The following NSD3 variants were observed in gnomAD, a reference collection of about 807,000 sequenced individuals.
NSD3 encodes nuclear receptor binding SET domain protein 3, also known as histone-lysine N-methyltransferase NSD3.
NSD3 carries 24 observed loss-of-function variants against 160.8 expected under a neutral mutation model. The observed-to-expected ratio is 0.15, with a 90% CI of 0.11 to 0.21. The LOEUF (loss-of-function observed/expected upper bound fraction) is 0.21, where lower values mean the gene tolerates loss of function less well. Among genes scored for constraint, NSD3 ranks in the 10% least tolerant of loss-of-function variants. The pLI, the probability that NSD3 is intolerant of heterozygous loss-of-function variation, is 1.00. For missense variants in NSD3, 1,157 were observed against 1,735.9 expected, an observed-to-expected ratio of 0.67 and a Z score of 5.93; for synonymous variants, 520 against 600.0, an observed-to-expected ratio of 0.87 and a Z score of 1.95.
intron 21 of NSD3, 81 bp downstream of exon 21, chr8:38,279,459 C>T: frequency 6.8e-7 from 1 of 1,471,006 alleles, no homozygotes; most frequent in Non-Finnish European, 9.2e-7. Flanking sequence ...GGGCATCAAG[C>T]CTTGAAGAAC....
chr8:38,316,575 T>A lies in NSD3; in HGVS notation c.1856-533A>T. The stretch of plus-strand genomic sequence containing the variant: ...CCCCCCAATAAAATTTGGATGTTCA[T>A]AATTGTTCATCTGAGACTTCCTTGG... On this transcript the variant is annotated intron_variant, in intron 9 of 23. Transcript: ENST00000317025. This position sits in a 1 kb window ranked among gnomAD's most constrained non-coding sequence, Gnocchi z 4.5. 1 of 1,050,600 alleles carries A rather than the reference T, an allele frequency of 9.5e-7. No individual in the cohort carries two copies. Among genetic ancestry groups the A allele is most frequent in the Non-Finnish European group, 1.1e-6 (1 of 870,042 alleles). The allele number at this position is 1,050,600 out of a possible 1,614,324, so 65.1% of individuals were successfully genotyped here. A position where few individuals can be genotyped will look rare whatever the true frequency, so the allele number is the denominator to read the frequency against.
At chr8:38,296,833 G>A (rs183157267) in intron 15 of NSD3, among the ~76,000 whole-genome samples, 7 of 151,876 alleles carry the variant, frequency 4.6e-5, no homozygotes, top group South Asian at 4.2e-4. Context: ...TGCCTCAGCC[G>A]CCCAAACTGT....
chr8:38,329,752 A>G lies in NSD3; in HGVS notation c.1207T>C (p.Leu403=). The G allele has an allele frequency of 5.0e-6, 8 of 1,614,090 alleles. No individual in the cohort carries two copies. Among genetic ancestry groups the G allele is most frequent in the Non-Finnish European group, 4.2e-6 (5 of 1,180,022 alleles). The part of the protein sequence containing the change: ...IYIDKQPEEA[L]SQAKKSVASK... ...GCAACACTCTTTTTTGCTTGGGATA[A>G]AGCCTCTTCAGGCTGTTTATCAATG... The change falls in exon 6 of 24, where the codon TTA becomes CTA. Residue 403 remains leucine, a synonymous_variant. Coordinates refer to ENST00000317025, the MANE Select transcript of NSD3 (RefSeq NM_023034.2). The surrounding 1 kb of genome is among the most constrained non-coding windows in gnomAD (Gnocchi z 4.8).
At chr8:38,294,884 C>T (rs976299551) in intron 16 of NSD3, among the ~76,000 whole-genome samples, 4 of 151,612 alleles carry the variant, frequency 2.6e-5, no homozygotes, top group Admixed American at 2.6e-4. Context: ...TGGCTCACAC[C>T]TGCAATCCCA....
At chr8:38,347,370 C>A in intron 2 of NSD3, 127 bp downstream of exon 2, 5 of 951,238 alleles carry the variant, frequency 5.3e-6, no homozygotes, top group Non-Finnish European at 7.8e-6. Flanking sequence ...ATTCTGAGCA[C>A]GTTGCTAGTG....
rs774696937 is a variant in NSD3, at chr8:38,288,138, C to T, written c.3501+349G>A. 2.0e-5 allele frequency among the ~76,000 whole-genome samples: 3 copies of T among 151,792 alleles called. No individual in the cohort carries two copies. Among genetic ancestry groups the T allele is most frequent in the South Asian group, 2.1e-4 (1 of 4,808 alleles). ...TCAAGGCTTGAGTGAGCTATGAACA[C>T]GCCACTGTATTCCAGCATGGGTAAC... On this transcript the variant is annotated intron_variant, in intron 19 of 23. Coordinates refer to ENST00000317025, the MANE Select transcript of NSD3 (RefSeq NM_023034.2). This position sits in a 1 kb window ranked among gnomAD's most constrained non-coding sequence, Gnocchi z 4.5.
chr8:38,289,270 G>A (rs1808939351), intron 18 of NSD3, 123 bp downstream of exon 18: 1 of 877,976 alleles, frequency 1.1e-6, no homozygotes. Flanking sequence ...AGTCAAAGAG[G>A]GTCTTTAACT....
chr8:38,288,546 C>G lies in NSD3; in HGVS notation c.3442G>C (p.Glu1148Gln). Reference protein sequence around the residue: ...CFTKRLYPDAEIIKTERRGWG... With the variant: ...CFTKRLYPDAQIIKTERRGWG... ...CCTCTCCGCTCCGTTTTGATGATCT[C>G]TGCATCAGGGTATAGTCTCTTTGTA... Residue 1148 changes from glutamate to glutamine, a missense_variant, in exon 19 of 24, where the codon GAG becomes CAG. By Grantham distance (29) the Glu-to-Gln change is conservative. Around this residue, in one of 10 missense-constraint regions of NSD3, gnomAD observed 222 missense variants for 409.9 expected, o/e 0.54. Coordinates refer to ENST00000317025, the MANE Select transcript of NSD3 (RefSeq NM_023034.2). This position sits in a 1 kb window ranked among gnomAD's most constrained non-coding sequence, Gnocchi z 4.5. The G allele has an allele frequency of 6.2e-7, 1 of 1,614,196 alleles. No homozygotes were observed. Among genetic ancestry groups the G allele is most frequent in the Non-Finnish European group, 8.5e-7 (1 of 1,180,044 alleles).
chr8:38,331,304 A>G, intron 5 of NSD3, 127 bp downstream of exon 5: 4 of 1,128,702 alleles, frequency 3.5e-6, no homozygotes, highest in Non-Finnish European at 4.8e-6. Context: ...CATTACGATT[A>G]AAACAGCTGA....
Position 38,278,124 on chromosome 8 carries a change from GA to G in NSD3, c.3867+181del, listed in dbSNP as rs560061526. ...CAGCTAATTTTTTGTATTTTTAGTAGAGATGGGGTTTCACCGTGTTAGCCAG... is the reference window on the plus strand; with the variant it reads ...CAGCTAATTTTTTGTATTTTTAGTAGGATGGGGTTTCACCGTGTTAGCCAG... On this transcript the variant is annotated intron_variant, in intron 22 of 23. Transcript: ENST00000317025. Among the ~76,000 whole-genome samples the G allele has an allele frequency of 5.1e-4, 78 of 152,138 alleles. 1 individual carries two copies. The highest frequency in any genetic ancestry group is 1.8e-3 in the African/African-American group (76 of 41,506).
chr8:38,333,471 T>C (rs1399526897), intron 4 of NSD3, among the ~76,000 whole-genome samples: 1 of 152,220 alleles, frequency 6.6e-6, no homozygotes, highest in East Asian at 1.9e-4. Flanking sequence ...TAAAATAGAA[T>C]TGTGATCCAA....
chr8:38,271,757 G>C lies in NSD3; in HGVS notation c.*3884C>G, dbSNP rs1374990405. 1 of 152,132 alleles carries C rather than the reference G, an allele frequency of 6.6e-6. No individual in the cohort carries two copies. Among genetic ancestry groups the C allele is most frequent in the Non-Finnish European group, 1.5e-5 (1 of 68,026 alleles). 9.4% of individuals were successfully genotyped at this position (152,132 alleles called of 1,614,324 possible). A position where few individuals can be genotyped will look rare whatever the true frequency, so the allele number is the denominator to read the frequency against. On this transcript the variant is annotated 3_prime_UTR_variant, in exon 24 of 24. Coordinates refer to ENST00000317025, the MANE Select transcript of NSD3 (RefSeq NM_023034.2). ...CCCAGAAATAAAGCAACTTTCCAAT[G>C]TCCTTTTTCTCATATGGAAGTATAG...
At chr8:38,323,799 A>T (rs928872110) in intron 7 of NSD3, among the ~76,000 whole-genome samples, 10 of 149,544 alleles carry the variant, frequency 6.7e-5, no homozygotes, top group African/African-American at 2.5e-4. Context: ...CTGCACTTCA[A>T]CTTGGGTGCA....
At position 38,348,141 on chromosome 8, in the gene NSD3, T is replaced by G; in HGVS notation, c.31A>C (p.Ile11Leu). MDFSFSFMQG[I>L]MGNTIQQPPQ... ...GGTTGCTGAATTGTGTTTCCCATGATCCCTTGCATGAAAGAGAAAGAGAAA... is the reference window on the plus strand; with the variant it reads ...GGTTGCTGAATTGTGTTTCCCATGAGCCCTTGCATGAAAGAGAAAGAGAAA... The change falls in exon 2 of 24, where the codon ATC becomes CTC. Residue 11 changes from isoleucine to leucine, a missense_variant. Physicochemically the swap from Ile to Leu is conservative, Grantham distance 5 (BLOSUM62 2). Coordinates refer to ENST00000317025, the MANE Select transcript of NSD3 (RefSeq NM_023034.2). The G allele has an allele frequency of 6.2e-7, 1 of 1,601,638 alleles. No homozygotes were observed. The highest frequency in any genetic ancestry group is 8.5e-7 in the Non-Finnish European group (1 of 1,173,384).
At chr8:38,377,227 A>G (rs1014345984) in intron 1 of NSD3, among the ~76,000 whole-genome samples, 2 of 146,442 alleles carry the variant, frequency 1.4e-5, no homozygotes, top group African/African-American at 2.5e-5. Context: ...TAATTTTTGT[A>G]TTTTTAGTAG....
chr8:38,321,165 TACTGAGCCTAAG>T lies in NSD3; in HGVS notation c.1709-5_1715del. The T allele has an allele frequency of 6.2e-7, 1 of 1,611,360 alleles. No individual in the cohort carries two copies. On this transcript the variant is annotated splice_acceptor_variant and splice_polypyrimidine_tract_variant and coding_sequence_variant and intron_variant, in exon 8 of 24. Transcript: ENST00000317025. LOFTEE classifies it high-confidence loss of function. The surrounding 1 kb of genome is among the most constrained non-coding windows in gnomAD (Gnocchi z 4.7). ...TTGATCTTCTCTGTTGCTTCTTTTCTACTGAGCCTAAGAAATGATTTAAACACACAAACAAAA... is the reference window on the plus strand; with the variant it reads ...TTGATCTTCTCTGTTGCTTCTTTTCTAAATGATTTAAACACACAAACAAAA...
rs1809233228 is a variant in NSD3, at chr8:38,299,512, T to C, written c.2690A>G (p.Asn897Ser). The change falls in exon 15 of 24, where the codon AAT (asparagine) becomes AGT (serine). Residue 897 changes from asparagine to serine, a missense_variant. By Grantham distance (46) the Asn-to-Ser change is conservative. Around this residue, in one of 10 missense-constraint regions of NSD3, gnomAD observed 437 missense variants for 576.6 expected, o/e 0.76. Transcript: ENST00000317025. ...AGGTAATTTCATCAACTCAGCACGA[T>C]TTGATTCATTCAGTAGGTAGTGGGA... Reference protein sequence around the residue: ...YKSHYLLNESNRAELMKLPMI... With the variant: ...YKSHYLLNESSRAELMKLPMI... 6.2e-7 allele frequency: 1 copy of C among 1,613,730 alleles called. No individual in the cohort carries two copies. Among genetic ancestry groups the C allele is most frequent in the South Asian group, 1.1e-5 (1 of 90,986 alleles).
At chr8:38,295,705 CCTAT>C (rs1347300335) in intron 16 of NSD3, 87 bp downstream of exon 16, 13 of 1,239,400 alleles carry the variant, frequency 1.0e-5, no homozygotes, top group African/African-American at 3.1e-5. Context: ...ATGCTGTCTA[CCTAT>C]CTATCTCCAA....
chr8:38,318,911 C>T lies in NSD3; in HGVS notation c.1839G>A (p.Lys613=), dbSNP rs748484843. ...QVETVPQATV[K]TGLQKGASEI... ...TTAACTCACCTTTCTGTAATCCAGT[C>T]TTCACTGTAGCCTGAGGAACTGTTT... Residue 613 remains lysine (K), a synonymous_variant, in exon 9 of 24, where the codon AAG becomes AAA. Transcript: ENST00000317025. The surrounding 1 kb of genome is among the most constrained non-coding windows in gnomAD (Gnocchi z 5.3). The T allele has an allele frequency of 3.1e-6, 5 of 1,611,212 alleles. No individual in the cohort carries two copies. The highest frequency in any genetic ancestry group is 2.2e-5 in the East Asian group (1 of 44,734).
Sources: gnomAD v4.1 joint callset for allele counts (sites outside exome capture counted in the v4.1 genomes callset) on GRCh38, gnomAD v4.1.1 for gene constraint, gnomAD v4.1.1 regional missense constraint, Gnocchi (gnomAD v3.1) non-coding constraint, MANE v1.5 for transcripts, NCBI Gene and HGNC (gene_info 2026-07-23, HGNC 2026-07-21) for gene names.